The following KCTD16 variants were observed in gnomAD, a reference collection of about 807,000 sequenced individuals.
The protein encoded by KCTD16 is potassium channel tetramerization domain containing 16, also known as BTB/POZ domain-containing protein KCTD16.
In KCTD16, 13 loss-of-function variants were observed where a neutral mutation model predicts 33.2. That is an observed-to-expected ratio of 0.39 (90% CI 0.25 to 0.62). KCTD16 has a LOEUF of 0.62. Among genes scored for constraint, KCTD16 ranks in the 20% least tolerant of loss-of-function variants. The pLI, the probability that KCTD16 is intolerant of heterozygous loss-of-function variation, is 0.50. For synonymous variants in KCTD16, 197 were observed against 195.3 expected, an observed-to-expected ratio of 1.01 and a Z score of -0.07; for missense variants, 441 against 525.1, an observed-to-expected ratio of 0.84 and a Z score of 1.57.
intron 2 of KCTD16, among the ~76,000 whole-genome samples, chr5:144,188,623 A>G (rs932403708): frequency 1.3e-5 from 2 of 152,226 alleles, no homozygotes; most frequent in Non-Finnish European, 2.9e-5. Context: ...AATCAAATGT[A>G]ATAAAGAGGC....
chr5:144,360,209 A>G lies in KCTD16; in HGVS notation c.833-113451A>G, dbSNP rs550016311. Among the ~76,000 whole-genome samples the G allele has an allele frequency of 2.6e-5, 4 of 152,178 alleles. No homozygotes were observed. The East Asian group carries it at 5.8e-4, about 22-fold the overall frequency. On this transcript the variant is annotated intron_variant, in intron 3 of 3. Coordinates refer to ENST00000512467, the MANE Select transcript of KCTD16 (RefSeq NM_020768.4). ...CTGCACCCATCAACCCATCATCTAC[A>G]TTAGGTATTTTGGTATTTCTCCTAA...
chr5:144,209,602 C>A (rs1374823665), intron 3 of KCTD16, among the ~76,000 whole-genome samples: 4 of 151,834 alleles, frequency 2.6e-5, no homozygotes, highest in Admixed American at 1.3e-4. Context: ...AGCTTCCGTG[C>A]AGCTGCTTAG....
At chr5:144,372,309 T>C (rs1459065213) in intron 3 of KCTD16, among the ~76,000 whole-genome samples, 4 of 151,978 alleles carry the variant, frequency 2.6e-5, no homozygotes, top group Non-Finnish European at 5.9e-5. Flanking sequence ...GGTTTCAGAG[T>C]AAGCTTCCAA....
intron 3 of KCTD16, among the ~76,000 whole-genome samples, chr5:144,222,966 A>T (rs2126805269): frequency 6.6e-6 from 1 of 152,348 alleles, no homozygotes; most frequent in East Asian, 1.9e-4. Flanking sequence ...GCAGCTGTAA[A>T]AAAGGATGAG....
intron 3 of KCTD16, among the ~76,000 whole-genome samples, chr5:144,409,625 G>A (rs1005841372): frequency 3.9e-5 from 6 of 151,954 alleles, no homozygotes; most frequent in African/African-American, 1.4e-4. Flanking sequence ...TTGGGAGGCC[G>A]AGGTGGGCAG....
chr5:144,464,999 T>A (rs970769284), intron 3 of KCTD16, among the ~76,000 whole-genome samples: 1 of 152,182 alleles, frequency 6.6e-6, no homozygotes, highest in African/African-American at 2.4e-5. Context: ...CTTTCTGGCA[T>A]CTGGTAACAT....
intron 3 of KCTD16, among the ~76,000 whole-genome samples, chr5:144,437,024 A>G (rs978500670): frequency 1.3e-5 from 2 of 152,194 alleles, no homozygotes; most frequent in East Asian, 1.9e-4. Flanking sequence ...AGCAAAAAGA[A>G]TGTTACTGAA....
chr5:144,459,858 G>T (rs1414508891), intron 3 of KCTD16, among the ~76,000 whole-genome samples: 7 of 112,824 alleles, frequency 6.2e-5, no homozygotes, highest in Non-Finnish European at 1.2e-4. Flanking sequence ...TTGAGATGGA[G>T]TCTTGCTCTG....
chr5:144,374,040 T>A (rs1187558245), intron 3 of KCTD16, among the ~76,000 whole-genome samples: 1 of 152,226 alleles, frequency 6.6e-6, no homozygotes, highest in African/African-American at 2.4e-5. Flanking sequence ...CAGACCATTA[T>A]GATTATATTG....
At chr5:144,466,986 C>T (rs1369483599) in intron 3 of KCTD16, among the ~76,000 whole-genome samples, 1 of 125,838 alleles carries the variant, frequency 7.9e-6, no homozygotes, top group African/African-American at 3.1e-5. Context: ...ATATATATAA[C>T]ACTATATATA....
intron 2 of KCTD16, among the ~76,000 whole-genome samples, chr5:144,184,123 T>C (rs1561521638): frequency 6.6e-6 from 1 of 152,192 alleles, no homozygotes; most frequent in Admixed American, 6.5e-5. Flanking sequence ...CCATGTAACA[T>C]AAAATTTGCT....
rs1159164220 is a variant in KCTD16, at chr5:144,470,566, T to C, written c.833-3094T>C. Among the ~76,000 whole-genome samples, 4 of 152,330 alleles carry C rather than the reference T, an allele frequency of 2.6e-5. No individual in the cohort carries two copies. The East Asian group carries it at 7.7e-4, about 29-fold the overall frequency. On this transcript the variant is annotated intron_variant, in intron 3 of 3. Transcript: ENST00000512467. ...TTCAGAAGCCATCTCATAAATTATC[T>C]TGCCAAAATAAATGGCAAGTAAAAC... is the stretch of plus-strand genomic sequence containing the variant.
intron 2 of KCTD16, among the ~76,000 whole-genome samples, chr5:144,203,878 T>C (rs1490882890): frequency 6.6e-6 from 1 of 152,214 alleles, no homozygotes; most frequent in Non-Finnish European, 1.5e-5. Flanking sequence ...TCTAAATGTT[T>C]TGGCCCTATT....
intron 3 of KCTD16, among the ~76,000 whole-genome samples, chr5:144,348,563 C>A (rs75951597): frequency 7.4e-4 from 112 of 152,326 alleles, no homozygotes; most frequent in African/African-American, 2.6e-3. Context: ...ACTTGAGGAA[C>A]TCAAATAAAT....
At chr5:144,271,845 A>G (rs1039528426) in intron 3 of KCTD16, among the ~76,000 whole-genome samples, 2 of 152,048 alleles carry the variant, frequency 1.3e-5, no homozygotes, top group African/African-American at 4.8e-5. Flanking sequence ...ACACACAAAA[A>G]TCAGTTGTAT....
At chr5:144,325,426 T>A (rs1752179523) in intron 3 of KCTD16, among the ~76,000 whole-genome samples, 1 of 152,102 alleles carries the variant, frequency 6.6e-6, no homozygotes, top group Non-Finnish European at 1.5e-5. Flanking sequence ...TCAACAGGAA[T>A]CAAAGGCCTT....
intron 3 of KCTD16, among the ~76,000 whole-genome samples, chr5:144,296,570 T>C (rs1290660369): frequency 6.6e-6 from 1 of 152,216 alleles, no homozygotes; most frequent in Non-Finnish European, 1.5e-5. Flanking sequence ...AGGGATCCTT[T>C]TAAAAAATTC....
At chr5:144,292,914 C>T (rs982931619) in intron 3 of KCTD16, among the ~76,000 whole-genome samples, 8 of 152,080 alleles carry the variant, frequency 5.3e-5, no homozygotes, top group Admixed American at 3.9e-4. Context: ...CAGGAAGGGC[C>T]AAAGTTCAGC....
At chr5:144,456,263 T>C (rs1254438654) in intron 3 of KCTD16, among the ~76,000 whole-genome samples, 3 of 152,146 alleles carry the variant, frequency 2.0e-5, no homozygotes, top group Non-Finnish European at 2.9e-5. Flanking sequence ...AGAATGAGAA[T>C]AGTGTACTGT....
Sources: allele counts gnomAD v4.1 joint callset (sites outside exome capture counted in the v4.1 genomes callset), GRCh38; gene constraint gnomAD v4.1.1; transcripts MANE v1.5; gene names NCBI Gene and HGNC (gene_info 2026-07-23, HGNC 2026-07-21).